ZBTB41: variants seen among roughly 807,000 people sequenced by gnomAD.
ZBTB41 encodes the protein zinc finger and BTB domain containing 41, also known as zinc finger and BTB domain-containing protein 41.
Under a neutral mutation model 87.6 loss-of-function variants are expected in ZBTB41, and 42 were observed. The observed-to-expected ratio is 0.48, with a 90% confidence interval of 0.37 to 0.62. The LOEUF (loss-of-function observed/expected upper bound fraction) is 0.62. Ranked by LOEUF, ZBTB41 falls within the 20% of genes least tolerant of loss-of-function variation. ZBTB41 has a pLI of 0.00. For missense variants in ZBTB41, 799 were observed against 1,078.9 expected (o/e 0.74, Z 3.63); for synonymous variants, 364 against 364.0 (o/e 1.00, Z 0.00).
Position 197,199,363 on chromosome 1 carries a change from C to T in ZBTB41, c.1111G>A (p.Asp371Asn). Residue 371 changes from aspartate (D) to asparagine (N), a missense_variant, in exon 2 of 11, where the codon GAC becomes AAC. By Grantham distance (23) the Asp-to-Asn change is conservative. Coordinates refer to ENST00000367405, the MANE Select transcript of ZBTB41 (RefSeq NM_194314.3). Reference protein sequence around the residue: ...LQCPKCDKTFDRIGKYESHTR... With the variant: ...LQCPKCDKTFNRIGKYESHTR... ...AGTTTTCTTTTCTTACCTATTCGGTCAAATGTTTTATCACATTTAGGACAC... is the reference window on the plus strand; with the variant it reads ...AGTTTTCTTTTCTTACCTATTCGGTTAAATGTTTTATCACATTTAGGACAC... The T allele has an allele frequency of 1.3e-6, 2 of 1,507,330 alleles. No homozygotes were observed. The highest frequency in any genetic ancestry group is 2.8e-5 in the South Asian group (2 of 70,388). The allele number at this position is 1,507,330 out of a possible 1,614,324, so 93.4% of individuals were successfully genotyped here.
chr1:197,187,224 C>A (rs1327345553), intron 5 of ZBTB41, among the ~76,000 whole-genome samples: 1 of 152,218 alleles, frequency 6.6e-6, no homozygotes. Flanking sequence ...AATTGAAAAT[C>A]TAAGTCTACA....
chr1:197,173,240 T>C (rs1659520536), intron 9 of ZBTB41, among the ~76,000 whole-genome samples: 1 of 152,106 alleles, frequency 6.6e-6, no homozygotes, highest in Non-Finnish European at 1.5e-5. Flanking sequence ...TCCATTGAGT[T>C]TTACTGGAAA....
intron 4 of ZBTB41, among the ~76,000 whole-genome samples, chr1:197,189,565 T>A (rs1434793230): frequency 6.6e-6 from 1 of 151,764 alleles, no homozygotes; most frequent in African/African-American, 2.4e-5. Context: ...GAAAAAATAA[T>A]TAGAGGTACT....
chr1:197,187,134 C>T (rs1040206725), intron 5 of ZBTB41, among the ~76,000 whole-genome samples: 2 of 152,204 alleles, frequency 1.3e-5, no homozygotes, highest in African/African-American at 4.8e-5. Flanking sequence ...CTTTGGAAGA[C>T]AATTTGACAG....
chr1:197,184,530 A>T (rs1659834934), intron 5 of ZBTB41, among the ~76,000 whole-genome samples: 2 of 152,234 alleles, frequency 1.3e-5, no homozygotes, highest in East Asian at 3.8e-4. Context: ...TCCATCTTAA[A>T]TGTGGTATAC....
At chr1:197,166,670 C>A (rs1036147805) in intron 10 of ZBTB41, among the ~76,000 whole-genome samples, 7 of 143,906 alleles carry the variant, frequency 4.9e-5, no homozygotes, top group African/African-American at 1.7e-4. Context: ...ATGGTGAAAC[C>A]TCATCTCTAC....
chr1:197,175,413 C>T (rs2125129412), intron 8 of ZBTB41, among the ~76,000 whole-genome samples: 1 of 24,184 alleles, frequency 4.1e-5, no homozygotes, highest in African/African-American at 8.3e-5. Context: ...GAAACTACTT[C>T]AAAACTTAGG....
chr1:197,167,336 A>C (rs1318579005), intron 10 of ZBTB41, among the ~76,000 whole-genome samples: 1 of 152,120 alleles, frequency 6.6e-6, no homozygotes, highest in Non-Finnish European at 1.5e-5. Flanking sequence ...CTCAGACTAC[A>C]GGCATGCGCC....
intron 10 of ZBTB41, among the ~76,000 whole-genome samples, chr1:197,164,281 T>A (rs1272998303): frequency 6.6e-6 from 1 of 151,922 alleles, no homozygotes; most frequent in Non-Finnish European, 1.5e-5. Flanking sequence ...AAAGAACACA[T>A]AATTAAGAAG....
intron 6 of ZBTB41, among the ~76,000 whole-genome samples, chr1:197,180,369 G>A (rs753195853): frequency 1.3e-5 from 2 of 152,020 alleles, no homozygotes; most frequent in Non-Finnish European, 2.9e-5. Context: ...GCATTTCTCC[G>A]AACATAGCAC....
chr1:197,190,160 A>C (rs933846985), intron 4 of ZBTB41, among the ~76,000 whole-genome samples: 8 of 152,110 alleles, frequency 5.3e-5, no homozygotes, highest in Admixed American at 3.3e-4. Context: ...ACCTCAGGTG[A>C]TCCACTCGCC....
rs189254954 is a variant in ZBTB41, at chr1:197,185,208, A to G, written c.1546+3084T>C. ...TTTAAATATGTTTATTTTCTGGTAT[A>G]CTAAATACCCTTGATAGCTTTATGA... On this transcript the variant is annotated intron_variant, in intron 5 of 10. Coordinates refer to ENST00000367405, the MANE Select transcript of ZBTB41 (RefSeq NM_194314.3). Among the ~76,000 whole-genome samples, 276 of 152,324 alleles carry G rather than the reference A, an allele frequency of 1.8e-3. 1 individual carries two copies. The highest frequency in any genetic ancestry group is 3.4e-3 in the Middle Eastern group (1 of 294).
chr1:197,192,625 G>T (rs1050641694), intron 2 of ZBTB41, among the ~76,000 whole-genome samples: 1 of 151,942 alleles, frequency 6.6e-6, no homozygotes, highest in African/African-American at 2.4e-5. Flanking sequence ...ATAAAAATAG[G>T]AAAATAAATC....
At chr1:197,182,264 G>A (rs1488090402) in intron 5 of ZBTB41, among the ~76,000 whole-genome samples, 1 of 152,042 alleles carries the variant, frequency 6.6e-6, no homozygotes, top group Non-Finnish European at 1.5e-5. Flanking sequence ...GCTTCAGCTG[G>A]GCAAAGGAAG....
chr1:197,185,540 A>G (rs1259333437), intron 5 of ZBTB41, among the ~76,000 whole-genome samples: 1 of 152,086 alleles, frequency 6.6e-6, no homozygotes, highest in African/African-American at 2.4e-5. Context: ...AAACCTATGC[A>G]ACATCAACTA....
chr1:197,156,869 T>C lies in ZBTB41; in HGVS notation c.*2490A>G, dbSNP rs1178799322. The C allele has an allele frequency of 6.6e-6, 1 of 152,196 alleles. No homozygotes were observed. Among genetic ancestry groups the C allele is most frequent in the Non-Finnish European group, 1.5e-5 (1 of 67,744 alleles). 9.4% of individuals were successfully genotyped at this position (152,196 alleles called of 1,614,324 possible). A position where few individuals can be genotyped will look rare whatever the true frequency, so the allele number is the denominator to read the frequency against. On this transcript the variant is annotated 3_prime_UTR_variant, in exon 11 of 11. Transcript: ENST00000367405. Reference sequence around the variant, plus strand: ...GCACATAGTAAGCATTCATTAATGCTAGCTTTCTTCTTTCCCTACTAGTAG... The same window carrying C: ...GCACATAGTAAGCATTCATTAATGCCAGCTTTCTTCTTTCCCTACTAGTAG...
chr1:197,177,566 A>G (rs1380334393), intron 7 of ZBTB41, among the ~76,000 whole-genome samples: 1 of 152,120 alleles, frequency 6.6e-6, no homozygotes, highest in Non-Finnish European at 1.5e-5. Context: ...CTAAGAACTC[A>G]ACTTTATGAA....
At chr1:197,177,242 C>T (rs1659629866) in intron 7 of ZBTB41, among the ~76,000 whole-genome samples, 1 of 152,100 alleles carries the variant, frequency 6.6e-6, no homozygotes, top group South Asian at 2.1e-4. Context: ...TTGTAACAGT[C>T]AGTGAGTTCT....
chr1:197,186,968 T>C (rs1659901960), intron 5 of ZBTB41, among the ~76,000 whole-genome samples: 1 of 152,034 alleles, frequency 6.6e-6, no homozygotes, highest in East Asian at 1.9e-4. Flanking sequence ...GAAAAGATGC[T>C]CCACATTATA....
Sources: allele counts gnomAD v4.1 joint callset (sites outside exome capture counted in the v4.1 genomes callset), GRCh38; gene constraint gnomAD v4.1.1; transcripts MANE v1.5; gene names NCBI Gene and HGNC (gene_info 2026-07-23, HGNC 2026-07-21).